The following LRRC39 variants were observed in gnomAD, a reference collection of about 807,000 sequenced individuals.
LRRC39 encodes leucine rich repeat containing 39.
In LRRC39, 35 loss-of-function variants were observed where a neutral mutation model predicts 39.7. The ratio of observed to expected loss-of-function variants is 0.88; its 90% CI spans 0.67 to 1.17. The LOEUF (loss-of-function observed/expected upper bound fraction) is 1.17. LRRC39 is among the 50% of genes most tolerant of loss of function. The pLI is 0.00. For missense variants in LRRC39, 357 were observed against 385.8 expected, an observed-to-expected ratio of 0.93 and a Z score of 0.62; for synonymous variants, 113 against 134.1, an observed-to-expected ratio of 0.84 and a Z score of 1.09.
In LRRC39 at chr1:100,160,548, C is replaced by A. The variant is rs780084012; in HGVS notation, c.137G>T (p.Arg46Leu). The A allele has an allele frequency of 4.3e-6, 7 of 1,613,420 alleles. No homozygotes were observed. In the African/African-American group the frequency reaches 8.0e-5, roughly 18 times the overall value. ...QHKLVRIWEE[R>L]VSLTKLREKV... ...TTCTCTTAGCTTGGTTAAGCTTACT[C>A]GTTCTTCCCAGATCCGCACTAGCCT... is the stretch of plus-strand genomic sequence containing the variant. Residue 46 changes from arginine (R) to leucine (L), a missense_variant, in exon 4 of 10, where the codon CGA becomes CTA. Coordinates refer to ENST00000370137, the MANE Select transcript of LRRC39 (RefSeq NM_144620.4).
intron 3 of LRRC39, among the ~76,000 whole-genome samples, 159 bp from the exon 4 acceptor site, chr1:100,160,730 T>C (rs1570769991): frequency 6.6e-6 from 1 of 151,964 alleles, no homozygotes; most frequent in Non-Finnish European, 1.5e-5. Context: ...TTTCAAGTGA[T>C]TCTCCTGCCT....
At chr1:100,168,713 A>G (rs752157762) in intron 2 of LRRC39, 119 bp from the exon 3 acceptor site, 70 of 482,308 alleles carry the variant, frequency 1.5e-4, no homozygotes, top group Non-Finnish European at 2.3e-4. Flanking sequence ...TATATACTTT[A>G]CATGCCATAT....
At position 100,148,480 on chromosome 1, in the gene LRRC39, A is replaced by C. The variant is rs1657575832; in HGVS notation, c.*562T>G. Reference sequence around the variant, plus strand: ...TACACATCTTTTATTGTGGTCATAAATATAATGTGTCTTGGAAGCATGGGA... The same window carrying C: ...TACACATCTTTTATTGTGGTCATAACTATAATGTGTCTTGGAAGCATGGGA... On this transcript the variant is annotated 3_prime_UTR_variant, in exon 10 of 10. Coordinates refer to ENST00000370137, the MANE Select transcript of LRRC39 (RefSeq NM_144620.4). 9.4e-7 allele frequency: 1 copy of C among 1,066,224 alleles called. No homozygotes were observed. Among genetic ancestry groups the C allele is most frequent in the African/African-American group, 1.6e-5 (1 of 61,848 alleles). 66.0% of individuals were successfully genotyped at this position (1,066,224 alleles called of 1,614,324 possible).
intron 5 of LRRC39, 147 bp from the exon 6 acceptor site, chr1:100,158,514 T>G (rs1200624051): frequency 1.7e-6 from 1 of 591,618 alleles, no homozygotes; most frequent in East Asian, 3.7e-5. Context: ...CTCGGCTCAC[T>G]GCAAGCTCCG....
At chr1:100,158,401 G>C in intron 5 of LRRC39, 34 bp from the exon 6 acceptor site, 1 of 1,562,638 alleles carries the variant, frequency 6.4e-7, no homozygotes, top group Non-Finnish European at 8.7e-7. Flanking sequence ...AGAGGAGTTG[G>C]ATATAAAATA....
At chr1:100,166,532 C>T (rs1020155663) in intron 3 of LRRC39, among the ~76,000 whole-genome samples, 26 of 152,122 alleles carry the variant, frequency 1.7e-4, no homozygotes, top group African/African-American at 5.8e-4. Context: ...AAGAGAATGG[C>T]AGCATTTTGC....
intron 3 of LRRC39, among the ~76,000 whole-genome samples, chr1:100,161,779 T>C (rs902316631): frequency 5.9e-5 from 9 of 152,168 alleles, no homozygotes; most frequent in Non-Finnish European, 1.2e-4. Flanking sequence ...CCTGAGTAGC[T>C]GGGACTACAG....
At chr1:100,156,624 A>G (rs1471249293) in intron 6 of LRRC39, among the ~76,000 whole-genome samples, 1 of 152,124 alleles carries the variant, frequency 6.6e-6, no homozygotes, top group African/African-American at 2.4e-5. Context: ...ACCCATTATC[A>G]TGTTTTCCTT....
At chr1:100,165,739 T>C (rs761177523) in intron 3 of LRRC39, among the ~76,000 whole-genome samples, 2 of 152,162 alleles carry the variant, frequency 1.3e-5, no homozygotes, top group African/African-American at 2.4e-5. Context: ...TCATCTTGAA[T>C]TGTGGCTTCC....
At position 100,148,460 on chromosome 1, in the gene LRRC39, A is replaced by G. The variant is rs1657573312; in HGVS notation, c.*582T>C. The G allele has an allele frequency of 4.5e-6, 5 of 1,111,090 alleles. No homozygotes were observed. The African/African-American group carries it at 4.8e-5, about 11-fold the overall frequency. The allele number at this position is 1,111,090 out of a possible 1,614,324, so 68.8% of individuals were successfully genotyped here. On this transcript the variant is annotated 3_prime_UTR_variant, in exon 10 of 10. Coordinates refer to ENST00000370137, the MANE Select transcript of LRRC39 (RefSeq NM_144620.4). ...TTTTAGAATAAGCTAAAATATACACATCTTTTATTGTGGTCATAAATATAA... is the reference window on the plus strand; with the variant it reads ...TTTTAGAATAAGCTAAAATATACACGTCTTTTATTGTGGTCATAAATATAA...
chr1:100,160,639 TTGA>T, intron 3 of LRRC39, 68 bp from the exon 4 acceptor site: 10 of 1,272,856 alleles, frequency 7.9e-6, no homozygotes, highest in South Asian at 2.7e-5. Context: ...TTTTTTTTTT[TTGA>T]GAGAGAGAGT....
intron 1 of LRRC39, among the ~76,000 whole-genome samples, chr1:100,174,861 G>C (rs1193113217): frequency 6.6e-6 from 1 of 152,194 alleles, no homozygotes; most frequent in African/African-American, 2.4e-5. Context: ...ATGTTGAACT[G>C]TAATCCCCAA....
intron 1 of LRRC39, among the ~76,000 whole-genome samples, chr1:100,174,852 T>C (rs1271540844): frequency 6.6e-6 from 1 of 152,222 alleles, no homozygotes; most frequent in Non-Finnish European, 1.5e-5. Context: ...CCAAATCTCA[T>C]GTTGAACTGT....
intron 3 of LRRC39, among the ~76,000 whole-genome samples, chr1:100,163,890 T>A (rs540753890): frequency 6.6e-6 from 1 of 152,206 alleles, no homozygotes; most frequent in East Asian, 1.9e-4. Context: ...CTGGCCAACA[T>A]GATAAAACCC....
Position 100,148,834 on chromosome 1 carries a change from T to G in LRRC39, c.*208A>C. 7.0e-7 allele frequency: 1 copy of G among 1,429,558 alleles called. No individual in the cohort carries two copies. The highest frequency in any genetic ancestry group is 9.2e-7 in the Non-Finnish European group (1 of 1,088,890). 88.6% of individuals were successfully genotyped at this position (1,429,558 alleles called of 1,614,324 possible). A position where few individuals can be genotyped will look rare whatever the true frequency, so the allele number is the denominator to read the frequency against. On this transcript the variant is annotated 3_prime_UTR_variant, in exon 10 of 10. Transcript: ENST00000370137. ...ACAACTGCTTAATGGAAAAGAAATT[T>G]GAGCATCATCTGTCTTCCACCAAAA...
chr1:100,178,539 C>T (rs11166410), upstream of LRRC39, among the ~76,000 whole-genome samples: 4,369 of 152,162 alleles, frequency 0.029, 87 homozygotes, highest in Middle Eastern at 0.045. Context: ...TATGCCACAA[C>T]AAAAATTCTA....
chr1:100,151,280 T>C (rs1657989007), intron 9 of LRRC39, among the ~76,000 whole-genome samples: 1 of 152,126 alleles, frequency 6.6e-6, no homozygotes, highest in South Asian at 2.1e-4. Context: ...AAACATTCAT[T>C]GTAAACTCCC....
Position 100,168,492 on chromosome 1 carries a change from C to T in LRRC39, c.25G>A (p.Gly9Arg), listed in dbSNP as rs1225308160. The T allele has an allele frequency of 6.2e-7, 1 of 1,610,366 alleles. No individual in the cohort carries two copies. The highest frequency in any genetic ancestry group is 1.1e-5 in the South Asian group (1 of 89,942). The change falls in exon 3 of 10, where the codon GGG (glycine) becomes AGG (arginine). Residue 9 changes from glycine (G) to arginine (R), a missense_variant. Gly to Arg is a moderately radical substitution (Grantham distance 125). Coordinates refer to ENST00000370137, the MANE Select transcript of LRRC39 (RefSeq NM_144620.4). MTENVVCTGAVNAVKEVWE... is the reference protein window; with the variant it reads MTENVVCTRAVNAVKEVWE... ...ACTTCCTTTACAGCATTGACAGCCC[C>T]AGTACAAACCACATTTTCTGTCATG...
At chr1:100,173,765 C>T (rs552346614) in intron 1 of LRRC39, among the ~76,000 whole-genome samples, 8 of 152,210 alleles carry the variant, frequency 5.3e-5, no homozygotes, top group African/African-American at 1.9e-4. Flanking sequence ...AGACTTCTGA[C>T]AAGTCAATAT....
Sources: allele counts gnomAD v4.1 joint callset (sites outside exome capture counted in the v4.1 genomes callset), GRCh38; gene constraint gnomAD v4.1.1; transcripts MANE v1.5; gene names NCBI Gene and HGNC (gene_info 2026-07-23, HGNC 2026-07-21).